HSD17B2: variants seen among roughly 807,000 people sequenced by gnomAD.
HSD17B2 encodes the protein hydroxysteroid 17-beta dehydrogenase 2, also known as 17-beta-hydroxysteroid dehydrogenase type 2.
HSD17B2 carries 32 observed loss-of-function variants against 26.9 expected under a neutral mutation model. The ratio of observed to expected loss-of-function variants is 1.19; its 90% CI spans 0.90 to 1.60. HSD17B2 has a LOEUF of 1.60. Among genes scored for constraint, HSD17B2 ranks in the 40% most tolerant of loss-of-function variants. The pLI is 0.00. For missense variants in HSD17B2, 613 were observed against 468.6 expected (o/e 1.31, Z -2.85); for synonymous variants, 246 against 186.7 (o/e 1.32, Z -2.59).
intron 3 of HSD17B2, among the ~76,000 whole-genome samples, chr16:82,073,003 G>A (rs1597132833): frequency 1.3e-5 from 2 of 152,172 alleles, no homozygotes; most frequent in Non-Finnish European, 2.9e-5. Flanking sequence ...TAAGACTGCA[G>A]TAAGCTGTGT....
intron 3 of HSD17B2, among the ~76,000 whole-genome samples, chr16:82,076,538 G>T (rs1904303307): frequency 6.6e-6 from 1 of 152,214 alleles, no homozygotes; most frequent in African/African-American, 2.4e-5. Context: ...ATTCAGTCAA[G>T]TTGCAGGATA....
chr16:82,051,099 C>T (rs1389853207), intron 1 of HSD17B2, among the ~76,000 whole-genome samples: 1 of 152,202 alleles, frequency 6.6e-6, no homozygotes, highest in Non-Finnish European at 1.5e-5. Flanking sequence ...TCTCAATCTT[C>T]ATATCCTATT....
Position 82,072,407 on chromosome 16 carries a change from A to G in HSD17B2, c.664+1280A>G, listed in dbSNP as rs543183886. Among the ~76,000 whole-genome samples, 20 of 152,318 alleles carry G rather than the reference A, an allele frequency of 1.3e-4. No individual in the cohort carries two copies. In the South Asian group the frequency reaches 3.9e-3, roughly 30 times the overall value. On this transcript the variant is annotated intron_variant, in intron 3 of 4. Transcript: ENST00000199936. ...CTTTGTTCTGAACTTAGCCTTTACAATTTTGGCCTGTGTGGAAGCCTCACC... is the reference window on the plus strand; with the variant it reads ...CTTTGTTCTGAACTTAGCCTTTACAGTTTTGGCCTGTGTGGAAGCCTCACC...
intron 1 of HSD17B2, among the ~76,000 whole-genome samples, chr16:82,064,932 C>T (rs187309921): frequency 6.6e-6 from 1 of 152,346 alleles, no homozygotes; most frequent in Non-Finnish European, 1.5e-5. Flanking sequence ...CCTCTTTGGT[C>T]AGACAGTATC....
intron 3 of HSD17B2, among the ~76,000 whole-genome samples, chr16:82,082,263 C>T (rs940143246): frequency 6.6e-6 from 1 of 152,048 alleles, no homozygotes; most frequent in Admixed American, 6.6e-5. Context: ...ATCTGCTTGT[C>T]CAGCCTCAGT....
intron 1 of HSD17B2, among the ~76,000 whole-genome samples, chr16:82,051,304 G>A (rs552670310): frequency 3.1e-4 from 47 of 152,354 alleles, no homozygotes; most frequent in African/African-American, 1.1e-3. Context: ...ATGAATGCAT[G>A]AGCAAACAAA....
At chr16:82,068,131 T>G in intron 1 of HSD17B2, 39 bp from the exon 2 acceptor site, 1 of 1,531,734 alleles carries the variant, frequency 6.5e-7, no homozygotes, top group Non-Finnish European at 9.0e-7. Flanking sequence ...CCTGTCACTC[T>G]GGTTTGACCT....
chr16:82,036,757 G>T (rs1277588680), intron 1 of HSD17B2, among the ~76,000 whole-genome samples: 1 of 152,044 alleles, frequency 6.6e-6, no homozygotes, highest in Non-Finnish European at 1.5e-5. Context: ...TTTAGAGGGA[G>T]AAAATTCAGT....
intron 1 of HSD17B2, among the ~76,000 whole-genome samples, chr16:82,062,580 G>C (rs1597128401): frequency 6.6e-6 from 1 of 152,204 alleles, no homozygotes; most frequent in African/African-American, 2.4e-5. Flanking sequence ...TACCTCTGCT[G>C]TGTCTTAGCT....
intron 1 of HSD17B2, among the ~76,000 whole-genome samples, chr16:82,053,144 T>C (rs181442176): frequency 8.5e-5 from 13 of 152,346 alleles, no homozygotes; most frequent in Non-Finnish European, 1.5e-4. Flanking sequence ...ATAGCACTTA[T>C]TAGCTAAAAG....
chr16:82,047,105 G>A (rs115714246), intron 1 of HSD17B2, among the ~76,000 whole-genome samples: 17 of 152,314 alleles, frequency 1.1e-4, no homozygotes, highest in African/African-American at 4.1e-4. Context: ...TAGCACCAGA[G>A]AACACTAAAG....
chr16:82,044,132 T>G (rs571203211), intron 1 of HSD17B2, among the ~76,000 whole-genome samples: 1 of 152,198 alleles, frequency 6.6e-6, no homozygotes, highest in African/African-American at 2.4e-5. Context: ...TTTCTTGACA[T>G]TCCTCTGAGC....
intron 3 of HSD17B2, chr16:82,090,192 C>T (rs2966250): frequency 0.97 from 950,591 of 979,612 alleles, 462,202 homozygotes; most frequent in Non-Finnish European, 0.98. Flanking sequence ...ATAGTGGACC[C>T]TCCTCCCCAC....
At chr16:82,065,998 A>T (rs752597622) in intron 1 of HSD17B2, among the ~76,000 whole-genome samples, 1 of 152,230 alleles carries the variant, frequency 6.6e-6, no homozygotes, top group Admixed American at 6.5e-5. Context: ...TGAACTTGCC[A>T]GTGTCCAGCA....
At position 82,068,255 on chromosome 16, in the gene HSD17B2, T is replaced by C. The variant is rs943170806; in HGVS notation, c.351T>C (p.Asn117=). 6.2e-7 allele frequency: 1 copy of C among 1,613,866 alleles called. No individual in the cohort carries two copies. The highest frequency in any genetic ancestry group is 1.7e-5 in the Admixed American group (1 of 59,992). ...FTVFAGVLNE[N]GPGAEELRRT... The stretch of plus-strand genomic sequence containing the variant: ...TATTTGCCGGAGTTTTGAATGAAAA[T>C]GGCCCAGGAGCTGAGGAATTGCGAA... The change falls in exon 2 of 5, where the codon AAT becomes AAC. Residue 117 remains asparagine, a synonymous_variant. Transcript: ENST00000199936.
chr16:82,096,621 G>C lies in HSD17B2; in HGVS notation c.803-1454G>C, dbSNP rs190756702. Reference sequence around the variant, plus strand: ...GTGTATATATACTATATTATATACAGTATATATTATATTGTAGACATTACA... The same window carrying C: ...GTGTATATATACTATATTATATACACTATATATTATATTGTAGACATTACA... On this transcript the variant is annotated intron_variant, in intron 4 of 4. Transcript: ENST00000199936. The C allele has an allele frequency of 1.2e-4, 18 of 151,990 alleles. No homozygotes were observed. The East Asian group carries it at 3.3e-3, about 28-fold the overall frequency. 9.4% of individuals were successfully genotyped at this position (151,990 alleles called of 1,614,324 possible).
intron 2 of HSD17B2, among the ~76,000 whole-genome samples, chr16:82,070,372 C>A (rs995181516): frequency 2.0e-5 from 3 of 152,214 alleles, no homozygotes; most frequent in African/African-American, 4.8e-5. Context: ...TTAGCACAGA[C>A]CCTCACCTTC....
intron 1 of HSD17B2, among the ~76,000 whole-genome samples, chr16:82,062,094 A>G (rs564258509): frequency 7.6e-4 from 116 of 152,346 alleles, no homozygotes; most frequent in Admixed American, 1.4e-3. Context: ...CAGTAGCATA[A>G]ATACACTTTG....
At chr16:82,090,170 G>A (rs1191692221) in intron 3 of HSD17B2, 21 of 948,798 alleles carry the variant, frequency 2.2e-5, no homozygotes, top group African/African-American at 3.5e-5. Context: ...TACAGGTGCT[G>A]TAGTGGGTTG....
Sources: gnomAD v4.1 joint callset for allele counts (sites outside exome capture counted in the v4.1 genomes callset) on GRCh38, gnomAD v4.1.1 for gene constraint, MANE v1.5 for transcripts, NCBI Gene and HGNC (gene_info 2026-07-23, HGNC 2026-07-21) for gene names.